Variants in ARHGEF2 observed in about 807,000 individuals in gnomAD.
The protein encoded by ARHGEF2 is Rho/Rac guanine nucleotide exchange factor 2.
A neutral mutation model predicts 121.0 loss-of-function variants in ARHGEF2; 22 were observed. The ratio of observed to expected loss-of-function variants is 0.18; its 90% CI spans 0.13 to 0.26. ARHGEF2 has a LOEUF of 0.26. Among genes scored for constraint, ARHGEF2 ranks in the 10% least tolerant of loss-of-function variants. The pLI is 1.00. For synonymous variants in ARHGEF2, 487 were observed against 530.0 expected (o/e 0.92, Z 1.11); for missense variants, 907 against 1,336.0 (o/e 0.68, Z 5.01).
In ARHGEF2 at chr1:155,947,028, G is replaced by A. The variant is rs56928822; in HGVS notation, c.*914C>T. 1.1e-5 allele frequency: 2 copies of A among 178,050 alleles called. No homozygotes were observed. The highest frequency in any genetic ancestry group is 1.9e-4 in the South Asian group (2 of 10,628). 11.0% of individuals were successfully genotyped at this position (178,050 alleles called of 1,614,324 possible). A position where few individuals can be genotyped will look rare whatever the true frequency, so the allele number is the denominator to read the frequency against. ...TCATGGTTGCTGAGGTGGAAGATGAGGTCAGGGCTCTTGGAGATTTTCCAA... is the reference window on the plus strand; with the variant it reads ...TCATGGTTGCTGAGGTGGAAGATGAAGTCAGGGCTCTTGGAGATTTTCCAA... On this transcript the variant is annotated 3_prime_UTR_variant, in exon 22 of 22. Transcript: ENST00000361247.
At position 155,965,958 on chromosome 1, in the gene ARHGEF2, T is replaced by C. The variant is rs1679283079; in HGVS notation, c.341-198A>G. 6.6e-6 allele frequency among the ~76,000 whole-genome samples: 1 copy of C among 152,156 alleles called. No homozygotes were observed. Among genetic ancestry groups the C allele is most frequent in the Non-Finnish European group, 1.5e-5 (1 of 68,024 alleles). ...TTCACAAAGAGCTTTTTCTTACTTA[T>C]CTCCTCCCTGACATAAGCCTATAAA... On this transcript the variant is annotated intron_variant, in intron 4 of 21. Coordinates refer to ENST00000361247, the MANE Select transcript of ARHGEF2 (RefSeq NM_001162383.2). The surrounding 1 kb of genome is among the most constrained non-coding windows in gnomAD (Gnocchi z 6.0).
Position 155,961,977 on chromosome 1 carries a change from C to T in ARHGEF2, c.1220-68G>A. On this transcript the variant is annotated intron_variant, in intron 10 of 21. Transcript: ENST00000361247. This position sits in a 1 kb window ranked among gnomAD's most constrained non-coding sequence, Gnocchi z 4.7. The stretch of plus-strand genomic sequence containing the variant: ...ACTCACACCCCAGTTCCCATCGTGT[C>T]TTGATTCCACCTTTAGAGGCTGCCC... The T allele has an allele frequency of 6.2e-7, 1 of 1,605,472 alleles. No individual in the cohort carries two copies. Among genetic ancestry groups the T allele is most frequent in the African/African-American group, 1.3e-5 (1 of 74,894 alleles).
In ARHGEF2 at chr1:155,966,404, C is replaced by T; in HGVS notation, c.340+12G>A. ...GGTCTTAGGGGACCTCCTCCACTCC[C>T]CAACTACTCACTCTTACTTCGAAGA... On this transcript the variant is annotated intron_variant, in intron 4 of 21. Coordinates refer to ENST00000361247, the MANE Select transcript of ARHGEF2 (RefSeq NM_001162383.2). 1.2e-6 allele frequency: 2 copies of T among 1,614,008 alleles called. No homozygotes were observed. The highest frequency in any genetic ancestry group is 1.7e-6 in the Non-Finnish European group (2 of 1,179,910).
chr1:155,949,506 G>C (rs1674958133), intron 21 of ARHGEF2, among the ~76,000 whole-genome samples: 1 of 151,828 alleles, frequency 6.6e-6, no homozygotes, highest in African/African-American at 2.4e-5. Context: ...CTTGGACCTG[G>C]GAGGCGGAGG....
chr1:155,963,097 A>G lies in ARHGEF2; in HGVS notation c.811T>C (p.Leu271=), dbSNP rs1678298533. 8 of 1,613,922 alleles carry G rather than the reference A, an allele frequency of 5.0e-6. No individual in the cohort carries two copies. Among genetic ancestry groups the G allele is most frequent in the African/African-American group, 1.3e-5 (1 of 74,862 alleles). The change falls in exon 8 of 22, where the codon TTG becomes CTG. Residue 271 remains leucine (L), a synonymous_variant. Coordinates refer to ENST00000361247, the MANE Select transcript of ARHGEF2 (RefSeq NM_001162383.2). ...AGGCCCTGGACCACTCCTGGCTCCAAGTGTAGCTCTTCCAGCATCCCCGTG... is the reference window on the plus strand; with the variant it reads ...AGGCCCTGGACCACTCCTGGCTCCAGGTGTAGCTCTTCCAGCATCCCCGTG... ...FRTGMLEELH[L]EPGVVQGLFP...
intron 16 of ARHGEF2, 38 bp from the exon 17 acceptor site, chr1:155,952,024 C>T: frequency 6.2e-7 from 1 of 1,614,036 alleles, no homozygotes; most frequent in Non-Finnish European, 8.5e-7. Context: ...AGCTCACTTC[C>T]CTGGGGCCCT....
At chr1:155,978,664 G>T (rs1483456560), upstream of ARHGEF2, 4 of 1,117,220 alleles carry the variant, frequency 3.6e-6, no homozygotes, top group Non-Finnish European at 4.6e-6. This position sits in a 1 kb window ranked among gnomAD's most constrained non-coding sequence, Gnocchi z 4.1. Context: ...AGGACGGGAC[G>T]CCAGGGTTTG....
rs1681688372 is a variant in ARHGEF2 at position 155,978,265 on chromosome 1, G to A, written c.63+100C>T. 3 of 1,340,598 alleles carry A rather than the reference G, an allele frequency of 2.2e-6. No homozygotes were observed. Among genetic ancestry groups the A allele is most frequent in the Non-Finnish European group, 2.9e-6 (3 of 1,024,820 alleles). 83.0% of individuals were successfully genotyped at this position (1,340,598 alleles called of 1,614,324 possible). ...ATCCACCGCTCCGCCCGATTTTGGC[G>A]CCCAGAAAGCAGGCGGGGAGACAGG... On this transcript the variant is annotated intron_variant, in intron 1 of 21. Transcript: ENST00000361247. This position sits in a 1 kb window ranked among gnomAD's most constrained non-coding sequence, Gnocchi z 4.1.
At chr1:155,970,820 C>T (rs990516383) in intron 1 of ARHGEF2, 5 of 986,060 alleles carry the variant, frequency 5.1e-6, no homozygotes, top group South Asian at 4.7e-5. Flanking sequence ...GCCCAAGATC[C>T]TTCTCTTTCC....
intron 7 of ARHGEF2, 21 bp downstream of exon 7, chr1:155,964,967 A>G (rs1406618271): frequency 1.2e-6 from 2 of 1,609,572 alleles, no homozygotes; most frequent in South Asian, 2.2e-5. Context: ...GAAGAGGAAG[A>G]CTAGGGTGGT....
At chr1:155,948,243 G>A (rs1572030967) in intron 21 of ARHGEF2, among the ~76,000 whole-genome samples, 1 of 152,212 alleles carries the variant, frequency 6.6e-6, no homozygotes, top group Admixed American at 6.5e-5. Flanking sequence ...GATACAATTT[G>A]ATTAGGAAAA....
intron 13 of ARHGEF2, 109 bp from the exon 14 acceptor site, chr1:155,955,078 GA>G: frequency 1.2e-6 from 1 of 857,872 alleles, no homozygotes. Context: ...CTTCTGATAA[GA>G]CTCCTCAGCC....
chr1:155,969,178 G>A lies in ARHGEF2; in HGVS notation c.186C>T (p.Ala62=), dbSNP rs1481611644. ...MCYACNKSIT[A]KEALICPTCN... ...TACTTGGGCAGATGAGGGCTTCCTT[G>A]GCTGTGATGCTCTTGTTACAGGCAT... is the stretch of plus-strand genomic sequence containing the variant. The change falls in exon 2 of 22, where the codon GCC becomes GCT. Residue 62 remains alanine (A), a synonymous_variant. Transcript: ENST00000361247. 2.5e-6 allele frequency: 4 copies of A among 1,614,232 alleles called. No individual in the cohort carries two copies. Among genetic ancestry groups the A allele is most frequent in the African/African-American group, 1.3e-5 (1 of 75,056 alleles).
rs147320023 is a variant in ARHGEF2, at chr1:155,950,603, G to C, written c.2704-121C>G. The C allele has an allele frequency of 5.4e-6, 6 of 1,107,088 alleles. No homozygotes were observed. In the East Asian group the frequency reaches 1.4e-4, roughly 27 times the overall value. 68.6% of individuals were successfully genotyped at this position (1,107,088 alleles called of 1,614,324 possible). A position where few individuals can be genotyped will look rare whatever the true frequency, so the allele number is the denominator to read the frequency against. ...GGGCTCACCCATGAGTCCCCTTCAGGAGATCCACCACCAACTGGCCTCTTT... is the reference window on the plus strand; with the variant it reads ...GGGCTCACCCATGAGTCCCCTTCAGCAGATCCACCACCAACTGGCCTCTTT... On this transcript the variant is annotated intron_variant, in intron 20 of 21. Transcript: ENST00000361247. The surrounding 1 kb of genome is among the most constrained non-coding windows in gnomAD (Gnocchi z 5.2).
Position 155,951,580 on chromosome 1 carries a change from G to A in ARHGEF2, c.2209-47C>T, listed in dbSNP as rs1481467876. ...ACAGGGCCCCAGCTTTAGGATGGGAGAACTGCCCAAAAGTTGAACAAGGGT... is the reference window on the plus strand; with the variant it reads ...ACAGGGCCCCAGCTTTAGGATGGGAAAACTGCCCAAAAGTTGAACAAGGGT... On this transcript the variant is annotated intron_variant, in intron 18 of 21. Coordinates refer to ENST00000361247, the MANE Select transcript of ARHGEF2 (RefSeq NM_001162383.2). The surrounding 1 kb of genome is among the most constrained non-coding windows in gnomAD (Gnocchi z 5.1). 2 of 1,613,374 alleles carry A rather than the reference G, an allele frequency of 1.2e-6. No homozygotes were observed. Among genetic ancestry groups the A allele is most frequent in the Non-Finnish European group, 1.7e-6 (2 of 1,179,424 alleles).
At chr1:155,971,902 CAT>C (rs1462645362) in intron 1 of ARHGEF2, among the ~76,000 whole-genome samples, 4 of 149,832 alleles carry the variant, frequency 2.7e-5, no homozygotes, top group Admixed American at 6.6e-5. Context: ...AAAATATATA[CAT>C]ATATATATAT....
chr1:155,955,095 C>T, intron 13 of ARHGEF2, 126 bp from the exon 14 acceptor site: 2 of 712,018 alleles, frequency 2.8e-6, no homozygotes, highest in East Asian at 2.6e-5. Context: ...CAGCCTCACA[C>T]CCTAGCTTTA....
At position 155,978,120 on chromosome 1, in the gene ARHGEF2, G is replaced by A; in HGVS notation, c.63+245C>T. 4.9e-6 allele frequency: 6 copies of A among 1,236,788 alleles called. No individual in the cohort carries two copies. Among genetic ancestry groups the A allele is most frequent in the Non-Finnish European group, 6.1e-6 (6 of 985,238 alleles). 76.6% of individuals were successfully genotyped at this position (1,236,788 alleles called of 1,614,324 possible). A position where few individuals can be genotyped will look rare whatever the true frequency, so the allele number is the denominator to read the frequency against. ...AGCACTCGGTCCCGCCGGCTTGGAG[G>A]CGACCAAGCCCAGGTCCGCTCCGCT... On this transcript the variant is annotated intron_variant, in intron 1 of 21. Coordinates refer to ENST00000361247, the MANE Select transcript of ARHGEF2 (RefSeq NM_001162383.2). This position sits in a 1 kb window ranked among gnomAD's most constrained non-coding sequence, Gnocchi z 4.1.
chr1:155,951,764 T>C lies in ARHGEF2; in HGVS notation c.2185A>G (p.Asn729Asp). The C allele has an allele frequency of 1.2e-6, 2 of 1,614,060 alleles. No individual in the cohort carries two copies. The highest frequency in any genetic ancestry group is 1.7e-6 in the Non-Finnish European group (2 of 1,180,010). ...SDSSQRDRNG[N>D]QLRSPQEEAL... ...ACCTCTTGCGGTGATCTCAGCTGAT[T>C]TCCATTTCGATCCTGCAGAAATGGG... The change falls in exon 18 of 22, where the codon AAT becomes GAT. Residue 729 changes from asparagine to aspartate, a missense_variant. Physicochemically the swap from Asn to Asp is conservative, Grantham distance 23. This residue lies in a region of ARHGEF2 where 432 missense variants were observed against 559.5 expected (regional missense o/e 0.77). Transcript: ENST00000361247. This position sits in a 1 kb window ranked among gnomAD's most constrained non-coding sequence, Gnocchi z 5.1.
Sources: gnomAD v4.1 joint callset for allele counts (sites outside exome capture counted in the v4.1 genomes callset) on GRCh38, gnomAD v4.1.1 for gene constraint, gnomAD v4.1.1 regional missense constraint, Gnocchi (gnomAD v3.1) non-coding constraint, MANE v1.5 for transcripts, NCBI Gene and HGNC (gene_info 2026-07-23, HGNC 2026-07-21) for gene names.